The following SLC6A15 variants were observed in gnomAD, a reference collection of about 807,000 sequenced individuals.
SLC6A15 encodes solute carrier family 6 member 15, also known as sodium-dependent neutral amino acid transporter B(0)AT2.
SLC6A15 carries 33 observed loss-of-function variants against 68.5 expected under a neutral mutation model. The observed-to-expected ratio is 0.48, with a 90% CI of 0.37 to 0.64. The LOEUF is 0.64. SLC6A15 is among the 30% of genes least tolerant of loss of function. SLC6A15 has a pLI of 0.00. For missense variants in SLC6A15, 747 were observed against 874.3 expected (o/e 0.85, Z 1.84); for synonymous variants, 347 against 301.0 (o/e 1.15, Z -1.58).
intron 1 of SLC6A15, among the ~76,000 whole-genome samples, chr12:84,893,856 G>A (rs1379968376): frequency 6.6e-6 from 1 of 152,096 alleles, no homozygotes; most frequent in East Asian, 1.9e-4. Flanking sequence ...TTTAGGATTT[G>A]GTGAAGATTA....
rs779528213 is a variant in SLC6A15 at position 84,872,815 on chromosome 12, C to T, written c.1110-21G>A. ...AATTTCTGAAAAATAAAACAACATACAAATGAGCACATAAGAGTTCTTTGG... is the reference window on the plus strand; with the variant it reads ...AATTTCTGAAAAATAAAACAACATATAAATGAGCACATAAGAGTTCTTTGG... On this transcript the variant is annotated intron_variant, in intron 7 of 11. Coordinates refer to ENST00000266682, the MANE Select transcript of SLC6A15 (RefSeq NM_182767.6). The T allele has an allele frequency of 1.9e-6, 3 of 1,569,378 alleles. No individual in the cohort carries two copies. The South Asian group carries it at 3.5e-5, about 18-fold the overall frequency.
intron 1 of SLC6A15, among the ~76,000 whole-genome samples, 157 bp downstream of exon 1, chr12:84,912,366 G>A (rs772407604): frequency 5.1e-4 from 77 of 151,988 alleles, no homozygotes; most frequent in Middle Eastern, 3.4e-3. Context: ...CAGGGCTTTT[G>A]AGCTGCCCTC....
Position 84,883,324 on chromosome 12 carries a change from T to TAC in SLC6A15, c.756+533_756+534dup, listed in dbSNP as rs770836577. Reference sequence around the variant, plus strand: ...TTAGAAGGAATGATATTTAGTCTTTTACATTACTCTGAATTCCTTGTTGGA... The same window carrying TAC: ...TTAGAAGGAATGATATTTAGTCTTTTACACATTACTCTGAATTCCTTGTTGGA... On this transcript the variant is annotated intron_variant, in intron 5 of 11. Transcript: ENST00000266682. The TAC allele has an allele frequency of 4.7e-5, 46 of 988,806 alleles. No homozygotes were observed. In the African/African-American group the frequency reaches 7.7e-4, roughly 17 times the overall value. The allele number at this position is 988,806 out of a possible 1,614,324, so 61.3% of individuals were successfully genotyped here.
In SLC6A15 at chr12:84,911,190, G is replaced by C. The variant is rs142679020; in HGVS notation, c.-189+1333C>G. 2.9e-3 allele frequency among the ~76,000 whole-genome samples: 446 copies of C among 152,274 alleles called. 3 individuals are homozygous for C. The highest frequency in any genetic ancestry group is 0.011 in the African/African-American group (438 of 41,540). On this transcript the variant is annotated intron_variant, in intron 1 of 11. Coordinates refer to ENST00000266682, the MANE Select transcript of SLC6A15 (RefSeq NM_182767.6). ...CAAACACTTTGTTGCTGGCACAGCA[G>C]AAAAGCAATCAGGCATTGACAGGTA...
At chr12:84,894,799 C>T (rs1203110705) in intron 1 of SLC6A15, among the ~76,000 whole-genome samples, 2 of 152,038 alleles carry the variant, frequency 1.3e-5, no homozygotes, top group African/African-American at 4.8e-5. Flanking sequence ...ACCTGAAGGT[C>T]ATATTTTCTA....
At chr12:84,882,552 G>A (rs1351219623) in intron 5 of SLC6A15, 1 of 760,004 alleles carries the variant, frequency 1.3e-6, no homozygotes, top group African/African-American at 1.9e-5. Flanking sequence ...GAATTAGACA[G>A]ACTTCTGCCC....
chr12:84,911,624 G>T (rs958337296), intron 1 of SLC6A15, among the ~76,000 whole-genome samples: 2 of 152,222 alleles, frequency 1.3e-5, no homozygotes, highest in Non-Finnish European at 2.9e-5. Flanking sequence ...GGTCATGCCT[G>T]TTCCCGAACG....
chr12:84,881,370 G>T, intron 5 of SLC6A15: 1 of 809,650 alleles, frequency 1.2e-6, no homozygotes, highest in Non-Finnish European at 1.5e-6. Flanking sequence ...TTTGATCATA[G>T]TTTTGCTCTC....
At chr12:84,883,784 T>C (rs772281272) in intron 5 of SLC6A15, 75 bp downstream of exon 5, 2 of 1,613,810 alleles carry the variant, frequency 1.2e-6, no homozygotes, top group Non-Finnish European at 1.7e-6. Context: ...CACAGAAATC[T>C]GTAACAGAAT....
intron 3 of SLC6A15, 62 bp from the exon 4 acceptor site, chr12:84,885,623 C>G (rs1872063186): frequency 6.9e-7 from 1 of 1,459,806 alleles, no homozygotes; most frequent in Non-Finnish European, 9.3e-7. Context: ...AGAATGAGAT[C>G]AAATGCATAA....
chr12:84,862,917 G>A (rs187198485), intron 11 of SLC6A15, among the ~76,000 whole-genome samples: 25 of 152,194 alleles, frequency 1.6e-4, no homozygotes, highest in Non-Finnish European at 2.2e-4. Context: ...AGCCTGACGA[G>A]TAGCTAGGAC....
intron 5 of SLC6A15, chr12:84,883,511 C>A: frequency 7.9e-7 from 1 of 1,265,996 alleles, no homozygotes; most frequent in South Asian, 2.2e-5. Context: ...TACCACTTTC[C>A]CCAATTTCCA....
intron 8 of SLC6A15, among the ~76,000 whole-genome samples, chr12:84,872,111 C>G (rs1565721890): frequency 6.6e-6 from 1 of 150,730 alleles, no homozygotes; most frequent in Non-Finnish European, 1.5e-5. Flanking sequence ...GAGCCAAGAT[C>G]GCACCACTGC....
rs557732139 is a variant in SLC6A15 at position 84,882,158 on chromosome 12, C to T, written c.756+1701G>A. The T allele has an allele frequency of 9.1e-6, 9 of 985,198 alleles. No homozygotes were observed. The African/African-American group carries it at 1.0e-4, about 11-fold the overall frequency. 61.0% of individuals were successfully genotyped at this position (985,198 alleles called of 1,614,324 possible). On this transcript the variant is annotated intron_variant, in intron 5 of 11. Transcript: ENST00000266682. ...GAAACAAAACGTGGTAGTAAGAGAA[C>T]CTGAGTACAAGAGTTTTTGAGCTTC...
intron 1 of SLC6A15, among the ~76,000 whole-genome samples, chr12:84,906,124 C>T (rs1374892291): frequency 2.6e-5 from 4 of 152,114 alleles, no homozygotes; most frequent in Non-Finnish European, 4.4e-5. Flanking sequence ...TAAACATACA[C>T]AAATCATTTA....
intron 1 of SLC6A15, 97 bp from the exon 2 acceptor site, chr12:84,892,405 A>G (rs2120678603): frequency 4.1e-6 from 1 of 242,700 alleles, no homozygotes; most frequent in South Asian, 1.0e-4. Context: ...AACCCTTTCT[A>G]CAGAGTATAA....
intron 2 of SLC6A15, among the ~76,000 whole-genome samples, chr12:84,887,011 C>T (rs1277215239): frequency 2.0e-5 from 3 of 152,166 alleles, no homozygotes; most frequent in African/African-American, 7.2e-5. Flanking sequence ...GGTGTGATCA[C>T]TGTTCACTGC....
chr12:84,870,875 G>A (rs1871259058), intron 8 of SLC6A15, among the ~76,000 whole-genome samples: 1 of 152,058 alleles, frequency 6.6e-6, no homozygotes, highest in African/African-American at 2.4e-5. Context: ...TCCAAATAAT[G>A]AAATTTTGCC....
At chr12:84,869,325 G>A (rs1176753891) in intron 9 of SLC6A15, among the ~76,000 whole-genome samples, 1 of 152,054 alleles carries the variant, frequency 6.6e-6, no homozygotes, top group East Asian at 1.9e-4. Flanking sequence ...AGCCAAGCGT[G>A]TTGGCACGCG....
Sources: gnomAD v4.1 joint callset for allele counts (sites outside exome capture counted in the v4.1 genomes callset) on GRCh38, gnomAD v4.1.1 for gene constraint, MANE v1.5 for transcripts, NCBI Gene and HGNC (gene_info 2026-07-23, HGNC 2026-07-21) for gene names.